The following SYNCRIP variants were observed in gnomAD, a reference collection of about 807,000 sequenced individuals.
SYNCRIP encodes heterogeneous nuclear ribonucleoprotein Q.
Under a neutral mutation model 68.9 loss-of-function variants are expected in SYNCRIP, and 9 were observed. That is an observed-to-expected ratio of 0.13 (90% CI 0.08 to 0.23). SYNCRIP has a LOEUF of 0.23. Among genes scored for constraint, SYNCRIP ranks in the 10% least tolerant of loss-of-function variants. The probability of loss-of-function intolerance (pLI) is 1.00; values close to 1 mark genes in which losing one functional copy is unlikely to be tolerated. For synonymous variants in SYNCRIP, 258 were observed against 254.0 expected (o/e 1.02, Z -0.15); for missense variants, 414 against 770.6 (o/e 0.54, Z 5.48).
At chr6:85,619,539 A>G in intron 8 of SYNCRIP, 122 bp from the exon 9 acceptor site, 1 of 929,546 alleles carries the variant, frequency 1.1e-6, no homozygotes, top group Non-Finnish European at 1.5e-6. Context: ...AGAATATAAA[A>G]AAAAAAAAAG....
chr6:85,642,083 C>T lies in SYNCRIP; in HGVS notation c.-12-632G>A, dbSNP rs371196568. Among the ~76,000 whole-genome samples, 63 of 152,326 alleles carry T rather than the reference C, an allele frequency of 4.1e-4. No homozygotes were observed. The East Asian group carries it at 9.3e-3, about 22-fold the overall frequency. ...AACGGCAACCCAACGAATCCCAAAC[C>T]AAGACGACCATCACTGGTTCCCAAC... On this transcript the variant is annotated intron_variant, in intron 1 of 10. Coordinates refer to ENST00000369622, the MANE Select transcript of SYNCRIP (RefSeq NM_006372.5).
chr6:85,615,252 T>C lies in SYNCRIP; in HGVS notation c.1376A>G (p.Asp459Gly), dbSNP rs1462635329. 1.2e-6 allele frequency: 2 copies of C among 1,606,216 alleles called. No individual in the cohort carries two copies. Residue 459 changes from aspartate to glycine, a missense_variant, in exon 11 of 11, where the codon GAT becomes GGT. Coordinates refer to ENST00000369622, the MANE Select transcript of SYNCRIP (RefSeq NM_006372.5). ...ATAATAATCTTCATATCCATAATAA[T>C]CTGGAGGATATCCATAACCACCTCT... is the stretch of plus-strand genomic sequence containing the variant. ...GGRGGYGYPPDYYGYEDYYDY... is the reference protein window; with the variant it reads ...GGRGGYGYPPGYYGYEDYYDY...
chr6:85,612,054 C>T (rs1805293069), downstream of SYNCRIP: 1 of 152,072 alleles, frequency 6.6e-6, no homozygotes, highest in South Asian at 2.1e-4. Flanking sequence ...AGAAGCAAGG[C>T]TGCTTTTTCA....
chr6:85,643,216 T>G (rs1008905162), upstream of SYNCRIP: 6 of 151,718 alleles, frequency 4.0e-5, no homozygotes, highest in African/African-American at 1.5e-4. Context: ...GTGGCCGCCT[T>G]TCCCCTTCTG....
chr6:85,622,389 A>G lies in SYNCRIP; in HGVS notation c.1008+93T>C, dbSNP rs568116714. The G allele has an allele frequency of 3.7e-4, 451 of 1,212,744 alleles. 2 individuals carry two copies. In the African/African-American group the frequency reaches 5.7e-3, roughly 15 times the overall value. The allele number at this position is 1,212,744 out of a possible 1,614,324, so 75.1% of individuals were successfully genotyped here. On this transcript the variant is annotated intron_variant, in intron 8 of 10. Coordinates refer to ENST00000369622, the MANE Select transcript of SYNCRIP (RefSeq NM_006372.5). ...GACTCTTGTCTCAAAAAATAAAAAA[A>G]TGTATACTGTTCATTTTATGTTCCC...
At chr6:85,616,687 G>A (rs1805815058) in intron 10 of SYNCRIP, among the ~76,000 whole-genome samples, 1 of 152,158 alleles carries the variant, frequency 6.6e-6, no homozygotes, top group Non-Finnish European at 1.5e-5. Context: ...TGTTCCAACT[G>A]ACTAACGTAA....
intron 6 of SYNCRIP, 99 bp from the exon 7 acceptor site, chr6:85,624,211 AG>A: frequency 8.3e-7 from 1 of 1,203,974 alleles, no homozygotes; most frequent in South Asian, 1.4e-5. Flanking sequence ...TTTAAAAAGT[AG>A]TTTACCTTAA....
At chr6:85,641,766 G>A (rs999141297) in intron 1 of SYNCRIP, among the ~76,000 whole-genome samples, 1 of 152,144 alleles carries the variant, frequency 6.6e-6, no homozygotes, top group African/African-American at 2.4e-5. Context: ...GTGCCCGTTC[G>A]GAAAATGAGG....
intron 4 of SYNCRIP, among the ~76,000 whole-genome samples, chr6:85,638,820 G>A (rs9450308): frequency 0.11 from 16,937 of 152,090 alleles, 1,378 homozygotes; most frequent in African/African-American, 0.23. Flanking sequence ...AACACTTTTT[G>A]TCAATCCATA....
At chr6:85,608,390 T>G (rs1027893328) in exon 12 of SYNCRIP, 12 of 152,006 alleles carry the variant, frequency 7.9e-5, no homozygotes, top group African/African-American at 2.9e-4. Context: ...AGCTTCCTTA[T>G]GCTATACATA....
intron 4 of SYNCRIP, among the ~76,000 whole-genome samples, chr6:85,638,671 T>C (rs976065909): frequency 6.6e-6 from 1 of 152,216 alleles, no homozygotes; most frequent in Non-Finnish European, 1.5e-5. Flanking sequence ...TGAAAAATAC[T>C]GTAATTAATA....
intron 6 of SYNCRIP, among the ~76,000 whole-genome samples, chr6:85,627,259 C>T (rs1283224430): frequency 6.9e-6 from 1 of 145,264 alleles, no homozygotes; most frequent in Non-Finnish European, 1.5e-5. Flanking sequence ...CAGAGCAAGA[C>T]TCCATCTCTA....
Position 85,619,225 on chromosome 6 carries a change from T to C in SYNCRIP, c.1158+43A>G, listed in dbSNP as rs745352633. Reference sequence around the variant, plus strand: ...ATTTTGAGATTCTAAAATGACTAAATTTGTTAGTCTGATTTAGATGCCTGT... The same window carrying C: ...ATTTTGAGATTCTAAAATGACTAAACTTGTTAGTCTGATTTAGATGCCTGT... On this transcript the variant is annotated intron_variant, in intron 9 of 10. Coordinates refer to ENST00000369622, the MANE Select transcript of SYNCRIP (RefSeq NM_006372.5). 1.2e-5 allele frequency: 19 copies of C among 1,596,466 alleles called. No homozygotes were observed. In the South Asian group the frequency reaches 2.1e-4, roughly 17 times the overall value.
At chr6:85,617,008 G>C (rs1167108652) in intron 10 of SYNCRIP, among the ~76,000 whole-genome samples, 2 of 151,964 alleles carry the variant, frequency 1.3e-5, no homozygotes, top group East Asian at 3.9e-4. Flanking sequence ...CTGGTATAGT[G>C]GTTAAGAGGG....
downstream of SYNCRIP, chr6:85,611,379 T>A (rs540557085): frequency 6.6e-6 from 1 of 152,600 alleles, no homozygotes; most frequent in South Asian, 2.1e-4. Flanking sequence ...CATGAGCATT[T>A]TGAACATATG....
intron 6 of SYNCRIP, among the ~76,000 whole-genome samples, chr6:85,635,977 A>G (rs1808397567): frequency 6.6e-6 from 1 of 152,138 alleles, no homozygotes; most frequent in South Asian, 2.1e-4. Flanking sequence ...TTTAACAAAC[A>G]TGGCATAGTG....
At position 85,615,148 on chromosome 6, in the gene SYNCRIP, C is replaced by T; in HGVS notation, c.1480G>A (p.Gly494Arg). ...CCTCTACCACCCCTTCCTCTAGCTC[C>T]AACTTGAAAATCTTCATAACCATAG... Reference protein sequence around the residue: ...PYYGYEDFQVGARGRGGRGAR... With the variant: ...PYYGYEDFQVRARGRGGRGAR... The change falls in exon 11 of 11, where the codon GGA (glycine) becomes AGA (arginine). Residue 494 changes from glycine to arginine, a missense_variant. Transcript: ENST00000369622. The T allele has an allele frequency of 6.2e-7, 1 of 1,613,824 alleles. No individual in the cohort carries two copies. The highest frequency in any genetic ancestry group is 1.1e-5 in the South Asian group (1 of 91,026).
chr6:85,629,103 A>G (rs1289787375), intron 6 of SYNCRIP, among the ~76,000 whole-genome samples: 1 of 152,152 alleles, frequency 6.6e-6, no homozygotes, highest in Non-Finnish European at 1.5e-5. Flanking sequence ...GGTGCTATGC[A>G]GCTTAGCCCA....
intron 6 of SYNCRIP, among the ~76,000 whole-genome samples, chr6:85,625,135 TC>T (rs1375759445): frequency 1.3e-5 from 2 of 152,092 alleles, no homozygotes; most frequent in East Asian, 3.8e-4. Context: ...CCCTTCCCCA[TC>T]TCCAGAAAAT....
Sources: allele counts gnomAD v4.1 joint callset (sites outside exome capture counted in the v4.1 genomes callset), GRCh38; gene constraint gnomAD v4.1.1; transcripts MANE v1.5; gene names NCBI Gene and HGNC (gene_info 2026-07-23, HGNC 2026-07-21).